Variants in LHFPL3 observed in about 807,000 individuals in gnomAD.
LHFPL3 encodes the protein LHFPL tetraspan subfamily member 3 protein.
A neutral mutation model predicts 19.3 loss-of-function variants in LHFPL3; 5 were observed. The observed-to-expected ratio is 0.26, with a 90% CI of 0.14 to 0.54. The LOEUF is 0.54. Among genes scored for constraint, LHFPL3 ranks in the 20% least tolerant of loss-of-function variants. LHFPL3 has a pLI of 0.94. For missense variants in LHFPL3, 249 were observed against 307.4 expected, an observed-to-expected ratio of 0.81 and a Z score of 1.42; for synonymous variants, 133 against 126.2, an observed-to-expected ratio of 1.05 and a Z score of -0.36.
At chr7:104,512,242 A>T (rs1368982583) in intron 1 of LHFPL3, among the ~76,000 whole-genome samples, 2 of 151,900 alleles carry the variant, frequency 1.3e-5, no homozygotes, top group Admixed American at 1.3e-4. Context: ...GGCATGAGCC[A>T]CAGCATCTGG....
At chr7:104,626,090 T>C (rs1404656899) in intron 1 of LHFPL3, among the ~76,000 whole-genome samples, 1 of 152,212 alleles carries the variant, frequency 6.6e-6, no homozygotes, top group Non-Finnish European at 1.5e-5. Context: ...AAGACAATGA[T>C]ATTATGAGAA....
intron 1 of LHFPL3, among the ~76,000 whole-genome samples, chr7:104,362,981 A>G (rs558462145): frequency 3.6e-4 from 55 of 152,388 alleles, no homozygotes; most frequent in Admixed American, 7.2e-4. Flanking sequence ...CTTAGGTTTT[A>G]CAATGCTAAT....
intron 1 of LHFPL3, among the ~76,000 whole-genome samples, chr7:104,734,376 CT>C (rs1434513184): frequency 6.6e-6 from 1 of 152,236 alleles, no homozygotes; most frequent in African/African-American, 2.4e-5. Context: ...TAGATTTGGT[CT>C]TTTCACATAG....
intron 2 of LHFPL3, among the ~76,000 whole-genome samples, chr7:104,870,689 A>G (rs1472653384): frequency 6.6e-6 from 1 of 152,200 alleles, no homozygotes; most frequent in Non-Finnish European, 1.5e-5. Context: ...CAGCTGATGC[A>G]GAGAAGAAAG....
intron 1 of LHFPL3, among the ~76,000 whole-genome samples, chr7:104,358,540 T>A (rs1292091146): frequency 6.6e-6 from 1 of 152,214 alleles, no homozygotes; most frequent in Non-Finnish European, 1.5e-5. Context: ...CCTGTTGTTC[T>A]ACATGTACAG....
At chr7:104,386,125 CACAATGATGGTAATTGTAAACCAA>C (rs1251816994) in intron 1 of LHFPL3, among the ~76,000 whole-genome samples, 4 of 152,152 alleles carry the variant, frequency 2.6e-5, no homozygotes, top group African/African-American at 9.7e-5. Flanking sequence ...CTAGCTGATT[CACAATGATGGTAATTGTAAACCAA>C]ACAAACAAAA....
At chr7:104,472,578 G>A (rs757591719) in intron 1 of LHFPL3, among the ~76,000 whole-genome samples, 3 of 151,984 alleles carry the variant, frequency 2.0e-5, no homozygotes, top group South Asian at 4.2e-4. Context: ...TTCCTGAGAG[G>A]GTATGTGCGT....
At chr7:104,903,979 C>G (rs1391935317) in intron 2 of LHFPL3, among the ~76,000 whole-genome samples, 1 of 152,148 alleles carries the variant, frequency 6.6e-6, no homozygotes, top group African/African-American at 2.4e-5. Context: ...AATGATAGTT[C>G]TGTTTTAAGT....
chr7:104,750,141 A>T (rs1794134601), intron 2 of LHFPL3, among the ~76,000 whole-genome samples: 4 of 152,210 alleles, frequency 2.6e-5, no homozygotes, highest in Non-Finnish European at 1.5e-5. Context: ...AGCAATGTAA[A>T]ATCTCAGTAC....
chr7:104,560,610 G>T (rs2115945051), intron 1 of LHFPL3, among the ~76,000 whole-genome samples: 1 of 150,356 alleles, frequency 6.7e-6, no homozygotes, highest in African/African-American at 2.5e-5. Context: ...TATCAATTTT[G>T]TTGATCCTTT....
chr7:104,601,203 G>C (rs993034297), intron 1 of LHFPL3, among the ~76,000 whole-genome samples: 2 of 152,144 alleles, frequency 1.3e-5, no homozygotes, highest in African/African-American at 4.8e-5. Context: ...ATCAGAATCT[G>C]CTGGAAGATG....
chr7:104,709,771 C>T (rs1261632758), intron 1 of LHFPL3, among the ~76,000 whole-genome samples: 3 of 151,612 alleles, frequency 2.0e-5, no homozygotes, highest in South Asian at 2.1e-4. Flanking sequence ...GGGTGGCGGC[C>T]GGGCAGAGGG....
chr7:104,470,008 C>G (rs1437429512), intron 1 of LHFPL3: 1 of 455,902 alleles, frequency 2.2e-6, no homozygotes, highest in South Asian at 1.5e-5. Context: ...ATGTCAAAAT[C>G]CCAGGTAATG....
At chr7:104,475,564 T>C (rs566231725) in intron 1 of LHFPL3, among the ~76,000 whole-genome samples, 1 of 152,310 alleles carries the variant, frequency 6.6e-6, no homozygotes, top group African/African-American at 2.4e-5. Context: ...AACTGTATAC[T>C]TAAAATGGTT....
chr7:104,581,135 C>T (rs923814333), intron 1 of LHFPL3, among the ~76,000 whole-genome samples: 1 of 151,972 alleles, frequency 6.6e-6, no homozygotes, highest in Non-Finnish European at 1.5e-5. Context: ...CATTTTTACA[C>T]TCCCCTCAGC....
chr7:104,500,825 T>C (rs1489851660), intron 1 of LHFPL3, among the ~76,000 whole-genome samples: 1 of 152,190 alleles, frequency 6.6e-6, no homozygotes, highest in Non-Finnish European at 1.5e-5. Context: ...GTAAATGCCC[T>C]GTCCTCCTTC....
At chr7:104,457,272 C>T (rs1792564511) in intron 1 of LHFPL3, among the ~76,000 whole-genome samples, 1 of 151,406 alleles carries the variant, frequency 6.6e-6, no homozygotes, top group East Asian at 2.0e-4. Flanking sequence ...CTCCCCCATC[C>T]CCCCACCCCA....
chr7:104,524,214 G>T (rs1014188072), intron 1 of LHFPL3, among the ~76,000 whole-genome samples: 1 of 152,122 alleles, frequency 6.6e-6, no homozygotes, highest in African/African-American at 2.4e-5. Flanking sequence ...AGGCCAAGAC[G>T]CAGGATTGAT....
intron 1 of LHFPL3, among the ~76,000 whole-genome samples, chr7:104,340,463 C>G (rs547307365): frequency 1.3e-5 from 2 of 152,082 alleles, no homozygotes; most frequent in South Asian, 4.2e-4. Flanking sequence ...AAAATTGTAC[C>G]TAGAACATAG....
Sources: allele counts gnomAD v4.1 joint callset (sites outside exome capture counted in the v4.1 genomes callset), GRCh38; gene constraint gnomAD v4.1.1; transcripts MANE v1.5; gene names NCBI Gene and HGNC (gene_info 2026-07-23, HGNC 2026-07-21).